The following DNER variants were observed in gnomAD, a reference collection of about 807,000 sequenced individuals.
DNER encodes the protein delta/notch like EGF repeat containing, also known as delta and Notch-like epidermal growth factor-related receptor.
DNER carries 33 observed loss-of-function variants against 78.2 expected under a neutral mutation model. The observed-to-expected ratio is 0.42, with a 90% CI of 0.32 to 0.56. DNER has a LOEUF of 0.56. Among genes scored for constraint, DNER ranks in the 20% least tolerant of loss-of-function variants. DNER has a pLI of 0.11. For missense variants in DNER, 918 were observed against 975.3 expected (o/e 0.94, Z 0.78); for synonymous variants, 417 against 384.8 (o/e 1.08, Z -0.98).
intron 6 of DNER, among the ~76,000 whole-genome samples, chr2:229,490,540 A>T (rs1471902301): frequency 6.6e-6 from 1 of 152,100 alleles, no homozygotes; most frequent in African/African-American, 2.4e-5. Context: ...ATCTATGGAG[A>T]CAGAATGTAG....
intron 1 of DNER, among the ~76,000 whole-genome samples, chr2:229,662,193 G>A (rs140536909): frequency 1.1e-4 from 16 of 152,266 alleles, no homozygotes; most frequent in African/African-American, 3.6e-4. Context: ...GTCGTCAGGC[G>A]AACTGGGACA....
intron 7 of DNER, among the ~76,000 whole-genome samples, chr2:229,460,767 T>C (rs1208982598): frequency 1.3e-5 from 2 of 152,142 alleles, no homozygotes; most frequent in Admixed American, 6.5e-5. Context: ...GGATATATTT[T>C]GAAATTTTGA....
chr2:229,485,204 A>G (rs1695246123), intron 6 of DNER, among the ~76,000 whole-genome samples: 1 of 152,222 alleles, frequency 6.6e-6, no homozygotes, highest in Non-Finnish European at 1.5e-5. Context: ...CTTTGAGGAC[A>G]TATGGCACAG....
intron 11 of DNER, among the ~76,000 whole-genome samples, chr2:229,383,268 A>C (rs1478662719): frequency 3.9e-5 from 6 of 152,260 alleles, no homozygotes; most frequent in Admixed American, 3.3e-4. Flanking sequence ...GGAAGCACTA[A>C]ATATGGAAAG....
intron 8 of DNER, among the ~76,000 whole-genome samples, chr2:229,418,753 C>A (rs2106349406): frequency 6.6e-6 from 1 of 151,330 alleles, no homozygotes; most frequent in African/African-American, 2.4e-5. Context: ...AACTCTGTCT[C>A]TACTAAAAAT....
At chr2:229,450,445 G>A (rs1185855867) in intron 7 of DNER, among the ~76,000 whole-genome samples, 1 of 152,210 alleles carries the variant, frequency 6.6e-6, no homozygotes, top group Non-Finnish European at 1.5e-5. Flanking sequence ...GATTAGCAAT[G>A]TCATGGGTTA....
chr2:229,422,044 T>C (rs73100267), intron 8 of DNER, among the ~76,000 whole-genome samples: 14,176 of 152,220 alleles, frequency 0.093, 2,178 homozygotes, highest in African/African-American at 0.32. Flanking sequence ...AAGCTGGTGA[T>C]GTTTTTCTTC....
At chr2:229,642,499 G>A (rs969090561) in intron 1 of DNER, among the ~76,000 whole-genome samples, 2 of 152,238 alleles carry the variant, frequency 1.3e-5, no homozygotes, top group Admixed American at 6.5e-5. Context: ...GACAAGGTCA[G>A]TGACTCCAGA....
intron 6 of DNER, among the ~76,000 whole-genome samples, chr2:229,504,107 C>T (rs759792): frequency 0.021 from 3,203 of 152,208 alleles, 133 homozygotes; most frequent in East Asian, 0.16. Context: ...CCTGTGGTGA[C>T]GTGTGTATGT....
chr2:229,699,811 C>T (rs1183428559), intron 1 of DNER, among the ~76,000 whole-genome samples: 2 of 152,134 alleles, frequency 1.3e-5, no homozygotes, highest in African/African-American at 4.8e-5. Flanking sequence ...AAAGCATAGA[C>T]TTCTAATTAA....
At chr2:229,410,493 T>C (rs188837049) in intron 9 of DNER, among the ~76,000 whole-genome samples, 5 of 152,320 alleles carry the variant, frequency 3.3e-5, no homozygotes, top group Admixed American at 6.5e-5. Flanking sequence ...AAAAACACCC[T>C]ATTTTGTCAG....
chr2:229,542,096 AAAG>A (rs1296043194), intron 5 of DNER, among the ~76,000 whole-genome samples: 20 of 151,692 alleles, frequency 1.3e-4, no homozygotes, highest in African/African-American at 3.9e-4. Flanking sequence ...ATTTGGATCT[AAAG>A]AAGAATTAAG....
At chr2:229,433,455 A>G (rs1224242579) in intron 8 of DNER, among the ~76,000 whole-genome samples, 1 of 152,210 alleles carries the variant, frequency 6.6e-6, no homozygotes, top group Non-Finnish European at 1.5e-5. Flanking sequence ...AGGAATCCCA[A>G]AGTGACAACA....
At chr2:229,444,256 GAAAGA>G (rs1229397986) in intron 8 of DNER, among the ~76,000 whole-genome samples, 1 of 152,184 alleles carries the variant, frequency 6.6e-6, no homozygotes, top group Non-Finnish European at 1.5e-5. Context: ...CGGACAGAAA[GAAAGA>G]AGAGCTTTCA....
chr2:229,652,171 A>G (rs1373714138), intron 1 of DNER, among the ~76,000 whole-genome samples: 1 of 152,206 alleles, frequency 6.6e-6, no homozygotes, highest in East Asian at 1.9e-4. Context: ...AAATGAAATC[A>G]CTAAGAAAGG....
At chr2:229,373,446 C>A (rs1692531728) in intron 11 of DNER, among the ~76,000 whole-genome samples, 1 of 152,104 alleles carries the variant, frequency 6.6e-6, no homozygotes, top group Non-Finnish European at 1.5e-5. Flanking sequence ...CAAGAAACAA[C>A]AGATATTGGC....
In DNER at chr2:229,714,284, G is replaced by T; in HGVS notation, c.140C>A (p.Pro47Gln). ...VPAAPLSAPG[P>Q]CAAQPCRNGG... The stretch of plus-strand genomic sequence containing the variant: ...ATTCCGGCAGGGCTGCGCGGCGCAC[G>T]GCCCGGGCGCAGACAGGGGCGCGGC... Residue 47 changes from proline (P) to glutamine (Q), a missense_variant, in exon 1 of 13, where the codon CCG becomes CAG. Transcript: ENST00000341772. 2.2e-6 allele frequency: 3 copies of T among 1,366,554 alleles called. No individual in the cohort carries two copies. The highest frequency in any genetic ancestry group is 2.8e-6 in the Non-Finnish European group (3 of 1,060,674). 84.7% of individuals were successfully genotyped at this position (1,366,554 alleles called of 1,614,324 possible).
intron 1 of DNER, among the ~76,000 whole-genome samples, chr2:229,605,375 A>G (rs1007988625): frequency 6.6e-6 from 1 of 152,218 alleles, no homozygotes. Context: ...AAACCTGTAT[A>G]ATTGTATCTA....
At chr2:229,419,666 T>C (rs961643196) in intron 8 of DNER, among the ~76,000 whole-genome samples, 1 of 152,170 alleles carries the variant, frequency 6.6e-6, no homozygotes. Context: ...GTTGTGATAA[T>C]GGCCCCTTTG....
Sources: allele counts gnomAD v4.1 joint callset (sites outside exome capture counted in the v4.1 genomes callset), GRCh38; gene constraint gnomAD v4.1.1; transcripts MANE v1.5; gene names NCBI Gene and HGNC (gene_info 2026-07-23, HGNC 2026-07-21).